The following CROCC2 variants were observed in gnomAD, a reference collection of about 807,000 sequenced individuals.
CROCC2 encodes the protein ciliary rootlet coiled-coil, rootletin family member 2, also known as ciliary rootlet coiled-coil protein 2.
In CROCC2, 163 loss-of-function variants were observed where a neutral mutation model predicts 177.6. The ratio of observed to expected loss-of-function variants is 0.92; its 90% CI spans 0.81 to 1.05. The LOEUF (loss-of-function observed/expected upper bound fraction) is 1.05. CROCC2 is among the 50% of genes least tolerant of loss of function. CROCC2 has a pLI of 0.00. For synonymous variants in CROCC2, 904 were observed against 787.3 expected, an observed-to-expected ratio of 1.15 and a Z score of -2.48; for missense variants, 1,929 against 1,797.8, an observed-to-expected ratio of 1.07 and a Z score of -1.32.
rs1472450692 is a variant in CROCC2, at chr2:240,972,190, A to G, written c.4401+3928A>G. On this transcript the variant is annotated intron_variant, in intron 27 of 31. Transcript: ENST00000690015. The surrounding 1 kb of genome is among the most constrained non-coding windows in gnomAD (Gnocchi z 7.1). ...CGTTTGAAGTTGGGAGTGGAGAGGA[A>G]CCCATCAGGGACTTTATGTGTCCCC... Among the ~76,000 whole-genome samples the G allele has an allele frequency of 2.6e-5, 4 of 152,118 alleles. No homozygotes were observed. Among genetic ancestry groups the G allele is most frequent in the African/African-American group, 9.7e-5 (4 of 41,424 alleles).
chr2:240,934,311 C>T lies in CROCC2; in HGVS notation c.1647-20C>T. 6.5e-7 allele frequency: 1 copy of T among 1,547,504 alleles called. No homozygotes were observed. Among genetic ancestry groups the T allele is most frequent in the Admixed American group, 2.0e-5 (1 of 50,928 alleles). On this transcript the variant is annotated intron_variant, in intron 11 of 31. Coordinates refer to ENST00000690015, the MANE Select transcript of CROCC2 (RefSeq NM_001351305.2). ...CTGCTCACCCTGAGCGACCTCCCGC[C>T]CTCTGGTCTGGGGCCTCAGTCAAGG...
chr2:240,930,112 A>C (rs1280571112), intron 5 of CROCC2, 54 bp from the exon 6 acceptor site: 1 of 529,094 alleles, frequency 1.9e-6, no homozygotes, highest in East Asian at 3.0e-5. Context: ...AGTGGGCTTC[A>C]GGGAGGGTAA....
chr2:240,910,492 T>C (rs2059280584), intron 1 of CROCC2, among the ~76,000 whole-genome samples: 1 of 152,240 alleles, frequency 6.6e-6, no homozygotes, highest in African/African-American at 2.4e-5. Context: ...TTCCTGTCTT[T>C]TGGATGTCTG....
intron 27 of CROCC2, among the ~76,000 whole-genome samples, chr2:240,975,867 T>C (rs1185582933): frequency 6.6e-6 from 1 of 151,824 alleles, no homozygotes; most frequent in Non-Finnish European, 1.5e-5. Flanking sequence ...GTAGCTGAGA[T>C]TACAGGCGCC....
At chr2:240,988,922 G>A (rs746818466) in intron 29 of CROCC2, 52 bp downstream of exon 29, 2 of 1,349,762 alleles carry the variant, frequency 1.5e-6, no homozygotes, top group African/African-American at 1.5e-5. Context: ...GGCAGACCTG[G>A]GGTGGGATCC....
chr2:240,910,774 G>T (rs1041203368), intron 1 of CROCC2, among the ~76,000 whole-genome samples: 1 of 152,186 alleles, frequency 6.6e-6, no homozygotes, highest in African/African-American at 2.4e-5. Context: ...CTCTGGGTTT[G>T]TTCTTCATCT....
chr2:240,990,303 TA>T (rs1559194508), intron 30 of CROCC2, among the ~76,000 whole-genome samples: 1 of 152,156 alleles, frequency 6.6e-6, no homozygotes, highest in African/African-American at 2.4e-5. Flanking sequence ...TAAGGAAGCA[TA>T]GCCAAGCCTT....
chr2:240,950,277 G>A lies in CROCC2; in HGVS notation c.2653-57G>A. The A allele has an allele frequency of 2.0e-6, 3 of 1,507,638 alleles. No homozygotes were observed. In the South Asian group the frequency reaches 3.9e-5, roughly 20 times the overall value. The allele number at this position is 1,507,638 out of a possible 1,614,324, so 93.4% of individuals were successfully genotyped here. ...GGGCCAGGTCTCACTCAGGACCATA[G>A]ACAACTGCTGGCCTCACCTGCCGGA... On this transcript the variant is annotated intron_variant, in intron 17 of 31. Transcript: ENST00000690015.
intron 10 of CROCC2, 49 bp downstream of exon 10, chr2:240,933,391 C>G (rs1490327979): frequency 7.0e-7 from 1 of 1,436,588 alleles, no homozygotes; most frequent in Admixed American, 2.5e-5. Context: ...GTATGGGATC[C>G]TGAGGGCCCA....
intron 1 of CROCC2, among the ~76,000 whole-genome samples, chr2:240,912,210 C>T (rs2059293164): frequency 6.6e-6 from 1 of 152,178 alleles, no homozygotes; most frequent in African/African-American, 2.4e-5. Context: ...TTTTTCCTGA[C>T]ACCAGCCAAT....
intron 18 of CROCC2, chr2:240,950,740 C>G (rs537292138): frequency 9.4e-5 from 48 of 510,318 alleles, no homozygotes; most frequent in South Asian, 3.5e-4. Flanking sequence ...CTTGCCCATC[C>G]ATCCATCCTT....
Position 240,963,525 on chromosome 2 carries a change from C to T in CROCC2, c.3088-31C>T, listed in dbSNP as rs1292258643. On this transcript the variant is annotated intron_variant, in intron 20 of 31. Transcript: ENST00000690015. ...CTATCCCTGGAGCAGTGGTCCCCAG[C>T]GGGCCTCTAGAGCTGAATGGTCCTC... 5 of 1,482,676 alleles carry T rather than the reference C, an allele frequency of 3.4e-6. No individual in the cohort carries two copies. The East Asian group carries it at 7.5e-5, about 22-fold the overall frequency. 91.8% of individuals were successfully genotyped at this position (1,482,676 alleles called of 1,614,324 possible).
intron 1 of CROCC2, among the ~76,000 whole-genome samples, chr2:240,913,892 C>T (rs1318872454): frequency 1.3e-5 from 2 of 152,238 alleles, no homozygotes; most frequent in African/African-American, 2.4e-5. Context: ...GGCAAGCAGA[C>T]GTCCGGTGGC....
At chr2:240,921,690 C>A (rs78087691) in intron 3 of CROCC2, among the ~76,000 whole-genome samples, 35 of 152,180 alleles carry the variant, frequency 2.3e-4, no homozygotes, top group Non-Finnish European at 8.8e-5. Context: ...GAGTGCCTGA[C>A]CATGGCATCT....
chr2:240,931,188 A>C, intron 7 of CROCC2, 60 bp downstream of exon 7: 1 of 653,238 alleles, frequency 1.5e-6, no homozygotes, highest in Non-Finnish European at 2.8e-6. Flanking sequence ...GGGCCCATCC[A>C]GCGTGCCGAG....
At chr2:240,907,640 A>T (rs940574672) in intron 1 of CROCC2, among the ~76,000 whole-genome samples, 2 of 152,176 alleles carry the variant, frequency 1.3e-5, no homozygotes, top group African/African-American at 4.8e-5. Flanking sequence ...CTGCATGAGG[A>T]CTAAGGGCAG....
In CROCC2 at chr2:240,935,427, G is replaced by C; in HGVS notation, c.2008G>C (p.Glu670Gln). The change falls in exon 14 of 32, where the codon GAG becomes CAG. Residue 670 changes from glutamate (E) to glutamine (Q), a missense_variant. Physicochemically the swap from Glu to Gln is conservative, Grantham distance 29 (BLOSUM62 2). Transcript: ENST00000690015. Reference sequence around the variant, plus strand: ...GGAGCAGGAACGGGCCCGGGCCGGGGAGCAGCTGGCACAGGCGGAGCAGCA... The same window carrying C: ...GGAGCAGGAACGGGCCCGGGCCGGGCAGCAGCTGGCACAGGCGGAGCAGCA... ...TLEQERARAGEQLAQAEQQLA... is the reference protein window; with the variant it reads ...TLEQERARAGQQLAQAEQQLA... 2 of 1,376,582 alleles carry C rather than the reference G, an allele frequency of 1.5e-6. No homozygotes were observed. The highest frequency in any genetic ancestry group is 9.4e-7 in the Non-Finnish European group (1 of 1,059,774). 85.3% of individuals were successfully genotyped at this position (1,376,582 alleles called of 1,614,324 possible). A position where few individuals can be genotyped will look rare whatever the true frequency, so the allele number is the denominator to read the frequency against.
intron 11 of CROCC2, 40 bp from the exon 12 acceptor site, chr2:240,934,291 C>T (rs2059453219): frequency 6.5e-7 from 1 of 1,541,730 alleles, no homozygotes; most frequent in Non-Finnish European, 8.7e-7. Context: ...AGCCACTGCT[C>T]ACCCTGAGCG....
intron 13 of CROCC2, 124 bp from the exon 14 acceptor site, chr2:240,935,234 G>C: frequency 5.0e-6 from 6 of 1,194,148 alleles, no homozygotes; most frequent in Non-Finnish European, 6.5e-6. Context: ...GGAGGGAAGA[G>C]AGTGCCCCTG....
Sources: allele counts gnomAD v4.1 joint callset (sites outside exome capture counted in the v4.1 genomes callset), GRCh38; gene constraint gnomAD v4.1.1; non-coding constraint Gnocchi (gnomAD v3.1); transcripts MANE v1.5; gene names NCBI Gene and HGNC (gene_info 2026-07-23, HGNC 2026-07-21).